PDS5B: variants seen among roughly 807,000 people sequenced by gnomAD.
PDS5B encodes sister chromatid cohesion protein PDS5 homolog B.
PDS5B carries 51 observed loss-of-function variants against 184.1 expected under a neutral mutation model. That is an observed-to-expected ratio of 0.28 (90% CI 0.22 to 0.35). The LOEUF (loss-of-function observed/expected upper bound fraction) is 0.35. Ranked by LOEUF, PDS5B falls within the 10% of genes least tolerant of loss-of-function variation. The pLI is 1.00. For synonymous variants in PDS5B, 566 were observed against 569.2 expected (o/e 0.99, Z 0.08); for missense variants, 1,180 against 1,723.3 (o/e 0.68, Z 5.58).
chr13:32,706,306 A>G (rs1481689707), intron 17 of PDS5B, among the ~76,000 whole-genome samples: 1 of 151,010 alleles, frequency 6.6e-6, no homozygotes, highest in Non-Finnish European at 1.5e-5. Flanking sequence ...AAATAAATAA[A>G]TAAATAAATA....
At chr13:32,708,487 A>G (rs1415421068) in intron 18 of PDS5B, among the ~76,000 whole-genome samples, 1 of 152,212 alleles carries the variant, frequency 6.6e-6, no homozygotes, top group Non-Finnish European at 1.5e-5. Context: ...GGAGAGCATT[A>G]CTGAGTTAAA....
intron 1 of PDS5B, among the ~76,000 whole-genome samples, chr13:32,635,015 TTTTTTTTAA>T (rs1239553669): frequency 6.6e-6 from 1 of 150,644 alleles, no homozygotes; most frequent in Non-Finnish European, 1.5e-5. Context: ...TTTTTTTTTT[TTTTTTTTAA>T]AGAGGCCGGG....
intron 1 of PDS5B, among the ~76,000 whole-genome samples, chr13:32,609,833 A>G (rs907214235): frequency 6.6e-5 from 10 of 152,242 alleles, no homozygotes; most frequent in African/African-American, 2.4e-4. Flanking sequence ...CGTTGGTGGA[A>G]ACATTCCTTC....
At chr13:32,772,314 G>A (rs921424796) in intron 33 of PDS5B, among the ~76,000 whole-genome samples, 2 of 152,134 alleles carry the variant, frequency 1.3e-5, no homozygotes, top group Non-Finnish European at 2.9e-5. Flanking sequence ...GATGCCTCCT[G>A]TGTTTCAGAG....
At chr13:32,720,949 C>G (rs998340873) in intron 19 of PDS5B, among the ~76,000 whole-genome samples, 1 of 151,126 alleles carries the variant, frequency 6.6e-6, no homozygotes, top group African/African-American at 2.4e-5. Context: ...TCAGAGAGCA[C>G]GGGGTTGGGG....
intron 1 of PDS5B, among the ~76,000 whole-genome samples, chr13:32,627,113 A>G (rs2058382680): frequency 6.6e-6 from 1 of 152,224 alleles, no homozygotes; most frequent in African/African-American, 2.4e-5. Context: ...AAGTGGAACT[A>G]CCTTGAGCTG....
intron 19 of PDS5B, among the ~76,000 whole-genome samples, chr13:32,721,725 C>T (rs537343744): frequency 3.9e-4 from 59 of 150,074 alleles, no homozygotes; most frequent in South Asian, 3.8e-3. Context: ...GACAGGATGA[C>T]GGCCGGGAAG....
intron 1 of PDS5B, among the ~76,000 whole-genome samples, chr13:32,594,285 A>G (rs2057822768): frequency 6.6e-6 from 1 of 152,214 alleles, no homozygotes; most frequent in African/African-American, 2.4e-5. Flanking sequence ...ACTGTGTGGC[A>G]AAGTCCATTT....
At chr13:32,683,768 C>T in intron 10 of PDS5B, 110 bp from the exon 11 acceptor site, 3 of 638,906 alleles carry the variant, frequency 4.7e-6, no homozygotes, top group South Asian at 2.2e-5. Context: ...TTTCTTGAAA[C>T]TTCTATGTAG....
At chr13:32,741,445 C>G (rs1953548394) in intron 22 of PDS5B, among the ~76,000 whole-genome samples, 1 of 152,072 alleles carries the variant, frequency 6.6e-6, no homozygotes, top group South Asian at 2.1e-4. Context: ...GATGATAGTT[C>G]AGATTTTAAG....
chr13:32,735,435 G>A, intron 21 of PDS5B, 105 bp downstream of exon 21: 1 of 714,968 alleles, frequency 1.4e-6, no homozygotes. Context: ...CCATTTGACT[G>A]CCTTGATTTT....
chr13:32,733,912 C>T (rs1453295488), intron 20 of PDS5B, among the ~76,000 whole-genome samples: 6 of 151,944 alleles, frequency 3.9e-5, no homozygotes, highest in Non-Finnish European at 7.4e-5. Context: ...CACATACACA[C>T]GCATATTTTG....
intron 21 of PDS5B, among the ~76,000 whole-genome samples, chr13:32,740,072 C>A (rs1953485613): frequency 6.6e-6 from 1 of 151,950 alleles, no homozygotes; most frequent in Non-Finnish European, 1.5e-5. Flanking sequence ...TTGAGTAATT[C>A]TTTCAACATG....
At position 32,651,263 on chromosome 13, in the gene PDS5B, G is replaced by A. The variant is rs77103120; in HGVS notation, c.109-541G>A. ...AAGAAATATTTTGTTGGATGCCGTG[G>A]TAGATACTTCATAGTAGCTTTTCAG... On this transcript the variant is annotated intron_variant, in intron 2 of 34. Transcript: ENST00000315596. Among the ~76,000 whole-genome samples the A allele has an allele frequency of 4.1e-4, 63 of 152,260 alleles. 3 individuals are homozygous for A. The East Asian group carries it at 0.012, about 28-fold the overall frequency.
intron 1 of PDS5B, among the ~76,000 whole-genome samples, chr13:32,590,373 C>G (rs1364002591): frequency 6.6e-6 from 1 of 152,158 alleles, no homozygotes; most frequent in African/African-American, 2.4e-5. Flanking sequence ...ACTGAAGACA[C>G]CCTGTCCTAT....
rs1276851923 is a variant in PDS5B at position 32,658,254 on chromosome 13, A to G, written c.328A>G (p.Ile110Val). Residue 110 changes from isoleucine (I) to valine (V), a missense_variant, in exon 4 of 35, where the codon ATA becomes GTA. By Grantham distance (29) the Ile-to-Val change is conservative (BLOSUM62 3). Transcript: ENST00000315596. The part of the protein sequence containing the change: ...PDKLKDIFMF[I>V]TRQLKGLEDT... ...TTTATTTAAGGATATATTTATGTTT[A>G]TAACAAGACAGTTGAAGGGGCTAGA... 1 of 1,457,936 alleles carries G rather than the reference A, an allele frequency of 6.9e-7. No individual in the cohort carries two copies. Among genetic ancestry groups the G allele is most frequent in the Admixed American group, 1.8e-5 (1 of 54,760 alleles). The allele number at this position is 1,457,936 out of a possible 1,614,324, so 90.3% of individuals were successfully genotyped here. A position where few individuals can be genotyped will look rare whatever the true frequency, so the allele number is the denominator to read the frequency against.
chr13:32,721,462 G>C (rs1335050280), intron 19 of PDS5B, among the ~76,000 whole-genome samples: 1 of 151,806 alleles, frequency 6.6e-6, no homozygotes, highest in African/African-American at 2.4e-5. Flanking sequence ...CGGCCGGGCA[G>C]AGGTGCTCCT....
rs1050779469 is a variant in PDS5B, at chr13:32,675,004, T to G, written c.847-840T>G. Among the ~76,000 whole-genome samples, 3 of 151,954 alleles carry G rather than the reference T, an allele frequency of 2.0e-5. No homozygotes were observed. The South Asian group carries it at 6.2e-4, about 32-fold the overall frequency. ...CTAATGTACAGCCAGGCTTGAGATA[T>G]AATTACTTAGACGAATAAAGAAAGA... is the stretch of plus-strand genomic sequence containing the variant. On this transcript the variant is annotated intron_variant, in intron 8 of 34. Coordinates refer to ENST00000315596, the MANE Select transcript of PDS5B (RefSeq NM_015032.4).
chr13:32,777,443 A>G lies in PDS5B; in HGVS notation c.*2391A>G, dbSNP rs1459019570. 1 of 144,984 alleles carries G rather than the reference A, an allele frequency of 6.9e-6. No individual in the cohort carries two copies. The highest frequency in any genetic ancestry group is 1.5e-5 in the Non-Finnish European group (1 of 66,444). The allele number at this position is 144,984 out of a possible 1,614,324, so 9.0% of individuals were successfully genotyped here. On this transcript the variant is annotated 3_prime_UTR_variant, in exon 35 of 35. Coordinates refer to ENST00000315596, the MANE Select transcript of PDS5B (RefSeq NM_015032.4). ...CATCTTAGGGGATTATCTTACGTTT[A>G]AGCTTAACATTTCATGTAGTAAGAT...
Sources: allele counts gnomAD v4.1 joint callset (sites outside exome capture counted in the v4.1 genomes callset), GRCh38; gene constraint gnomAD v4.1.1; transcripts MANE v1.5; gene names NCBI Gene and HGNC (gene_info 2026-07-23, HGNC 2026-07-21).